The following LHPP variants were observed in gnomAD, a reference collection of about 807,000 sequenced individuals.
LHPP encodes phospholysine phosphohistidine inorganic pyrophosphate phosphatase, also known as hLHPP.
A neutral mutation model predicts 30.3 loss-of-function variants in LHPP; 24 were observed. The ratio of observed to expected loss-of-function variants is 0.79; its 90% CI spans 0.57 to 1.11. The LOEUF is 1.11. LHPP is among the 50% of genes most tolerant of loss of function. LHPP has a pLI of 0.00. For missense variants in LHPP, 356 were observed against 367.2 expected, an observed-to-expected ratio of 0.97 and a Z score of 0.25; for synonymous variants, 150 against 157.1, an observed-to-expected ratio of 0.95 and a Z score of 0.34.
chr10:124,560,142 C>T (rs920946695), intron 6 of LHPP, among the ~76,000 whole-genome samples: 1 of 152,210 alleles, frequency 6.6e-6, no homozygotes, highest in Non-Finnish European at 1.5e-5. Flanking sequence ...TTCATATGGT[C>T]ACTACGTTGT....
chr10:124,530,205 C>T (rs1954858907), intron 6 of LHPP, among the ~76,000 whole-genome samples: 1 of 152,148 alleles, frequency 6.6e-6, no homozygotes, highest in Non-Finnish European at 1.5e-5. Context: ...TCCTGCCTGC[C>T]GCCTCCTGCC....
At chr10:124,527,848 A>G (rs1348909968) in intron 6 of LHPP, among the ~76,000 whole-genome samples, 2 of 151,516 alleles carry the variant, frequency 1.3e-5, no homozygotes, top group African/African-American at 2.4e-5. Flanking sequence ...TGGCACCATC[A>G]TGGCCCACTG....
intron 3 of LHPP, among the ~76,000 whole-genome samples, 178 bp downstream of exon 3, chr10:124,488,753 A>G (rs1953418731): frequency 6.6e-6 from 1 of 151,858 alleles, no homozygotes; most frequent in South Asian, 2.1e-4. Context: ...CTCTCCTTTA[A>G]TCATTTCTTT....
chr10:124,504,048 C>T (rs561356407), intron 5 of LHPP, among the ~76,000 whole-genome samples: 5 of 151,974 alleles, frequency 3.3e-5, no homozygotes, highest in South Asian at 2.1e-4. Context: ...AAAAATTAGC[C>T]GGGCCTGGCA....
At chr10:124,612,381 G>A (rs1949213980) in intron 6 of LHPP, among the ~76,000 whole-genome samples, 1 of 152,104 alleles carries the variant, frequency 6.6e-6, no homozygotes, top group Non-Finnish European at 1.5e-5. Flanking sequence ...CTCCAGCCTG[G>A]GCAACAGAGT....
At chr10:124,524,677 T>TA (rs1954689124) in intron 6 of LHPP, among the ~76,000 whole-genome samples, 2 of 151,958 alleles carry the variant, frequency 1.3e-5, no homozygotes, top group Non-Finnish European at 2.9e-5. Flanking sequence ...CTATTAAAAA[T>TA]CAAAATTAGC....
intron 3 of LHPP, among the ~76,000 whole-genome samples, chr10:124,495,479 T>C (rs541608082): frequency 6.6e-6 from 1 of 152,254 alleles, no homozygotes; most frequent in South Asian, 2.1e-4. Context: ...AGGCAGGCAG[T>C]GGAGGACGCA....
chr10:124,462,100 C>T (rs1328592736), intron 1 of LHPP, 113 bp downstream of exon 1: 6 of 1,001,486 alleles, frequency 6.0e-6, no homozygotes, highest in Non-Finnish European at 7.5e-6. Context: ...CAGGCCCCGC[C>T]TCGGTCTCCC....
chr10:124,489,481 G>C (rs1039108352), intron 3 of LHPP, among the ~76,000 whole-genome samples: 1 of 152,120 alleles, frequency 6.6e-6, no homozygotes, highest in East Asian at 1.9e-4. Context: ...TTAAGACTGA[G>C]TCTCGCTCTG....
chr10:124,531,827 C>T (rs150025988), intron 6 of LHPP, among the ~76,000 whole-genome samples: 40 of 152,286 alleles, frequency 2.6e-4, no homozygotes, highest in Non-Finnish European at 4.9e-4. Flanking sequence ...TGAGGTGATG[C>T]GATGTCCCAC....
rs1954618727 is a variant in LHPP at position 124,521,808 on chromosome 10, G to C, written c.716+4537G>C. ...AGGCCTCCCACTGGTCCTGCTGTGG[G>C]ACGTGCCCTCAGCCAAGGTCTTCTA... On this transcript the variant is annotated intron_variant, in intron 6 of 6. Transcript: ENST00000368842. Among the ~76,000 whole-genome samples, 3 of 152,168 alleles carry C rather than the reference G, an allele frequency of 2.0e-5. No homozygotes were observed. The South Asian group carries it at 6.2e-4, about 32-fold the overall frequency.
intron 6 of LHPP, chr10:124,553,838 G>GC (rs1948234243): frequency 1.0e-6 from 1 of 968,500 alleles, no homozygotes. Context: ...CCCGGGCCAG[G>GC]CCCCTCCTCT....
chr10:124,476,607 C>G (rs949618002), intron 1 of LHPP, among the ~76,000 whole-genome samples: 10 of 152,208 alleles, frequency 6.6e-5, no homozygotes, highest in African/African-American at 2.4e-4. Context: ...CAGGTGGTCC[C>G]CCAGCCCAAG....
At chr10:124,585,293 A>C (rs1415201150) in intron 6 of LHPP, among the ~76,000 whole-genome samples, 2 of 152,218 alleles carry the variant, frequency 1.3e-5, no homozygotes, top group Non-Finnish European at 2.9e-5. Context: ...CATTCCTGTT[A>C]GATTTTTTCT....
At chr10:124,471,011 A>G (rs1279230804) in intron 1 of LHPP, among the ~76,000 whole-genome samples, 1 of 152,126 alleles carries the variant, frequency 6.6e-6, no homozygotes, top group Non-Finnish European at 1.5e-5. Context: ...TAAGTTTCAT[A>G]AGAAATAGGT....
chr10:124,548,548 C>A (rs1433523948), intron 6 of LHPP, among the ~76,000 whole-genome samples: 2 of 152,168 alleles, frequency 1.3e-5, no homozygotes, highest in Admixed American at 1.3e-4. Flanking sequence ...TACCTCGGGG[C>A]CCCCACTGTG....
rs541365524 is a variant in LHPP, at chr10:124,485,112, C to T, written c.313+786C>T. ...CAAGGTGGGGGCTCTCAAGAAGTGG[C>T]GGGTGCTCCCTGGAAAGCCTAGATG... On this transcript the variant is annotated intron_variant, in intron 2 of 6. Transcript: ENST00000368842. Among the ~76,000 whole-genome samples, 31 of 152,092 alleles carry T rather than the reference C, an allele frequency of 2.0e-4. No individual in the cohort carries two copies. The East Asian group carries it at 4.5e-3, about 22-fold the overall frequency.
chr10:124,613,031 G>C (rs1330104913), intron 6 of LHPP: 1 of 572,218 alleles, frequency 1.7e-6, no homozygotes, highest in African/African-American at 1.9e-5. Context: ...TCCCCAGTGG[G>C]AGACAGGTTT....
intron 6 of LHPP, among the ~76,000 whole-genome samples, chr10:124,586,031 G>A (rs1948800211): frequency 6.6e-6 from 1 of 152,152 alleles, no homozygotes; most frequent in African/African-American, 2.4e-5. Flanking sequence ...TGGTCTGCCT[G>A]CCTTGACCTC....
Sources: allele counts gnomAD v4.1 joint callset (sites outside exome capture counted in the v4.1 genomes callset), GRCh38; gene constraint gnomAD v4.1.1; transcripts MANE v1.5; gene names NCBI Gene and HGNC (gene_info 2026-07-23, HGNC 2026-07-21).